TANGO6: variants seen among roughly 807,000 people sequenced by gnomAD.
TANGO6 encodes transport and Golgi organization protein 6 homolog.
A neutral mutation model predicts 114.2 loss-of-function variants in TANGO6; 90 were observed. The ratio of observed to expected loss-of-function variants is 0.79; its 90% confidence interval spans 0.66 to 0.94. TANGO6 has a LOEUF of 0.94. TANGO6 is among the 40% of genes least tolerant of loss of function. The pLI, the probability that TANGO6 is intolerant of heterozygous loss-of-function variation, is 0.00. For synonymous variants in TANGO6, 477 were observed against 509.8 expected, an observed-to-expected ratio of 0.94 and a Z score of 0.87; for missense variants, 1,274 against 1,315.3, an observed-to-expected ratio of 0.97 and a Z score of 0.49.
At position 68,954,912 on chromosome 16, in the gene TANGO6, A is replaced by G. The variant is rs62055816; in HGVS notation, c.2702-19116A>G. ...TTATTTTCTTCTTTGTGTCTTTTATATTTTTCATGTTTTCTAATATGAACA... is the reference window on the plus strand; with the variant it reads ...TTATTTTCTTCTTTGTGTCTTTTATGTTTTTCATGTTTTCTAATATGAACA... On this transcript the variant is annotated intron_variant, in intron 14 of 17. Coordinates refer to ENST00000261778, the MANE Select transcript of TANGO6 (RefSeq NM_024562.2). Among the ~76,000 whole-genome samples, 433 of 152,248 alleles carry G rather than the reference A, an allele frequency of 2.8e-3. 4 individuals carry two copies. Among genetic ancestry groups the G allele is most frequent in the Middle Eastern group, 0.01 (3 of 294 alleles).
chr16:68,974,062 A>C lies in TANGO6; in HGVS notation c.2736A>C (p.Lys912Asn). The stretch of plus-strand genomic sequence containing the variant: ...TGCTGTCAGACGTCTATCCTGAGAA[A>C]ATCTTGCCGGACTTGTTGGCTCAAT... ...VALLSDVYPE[K>N]ILPDLLAQYD... The change falls in exon 15 of 18, where the codon AAA (lysine) becomes AAC (asparagine). Residue 912 changes from lysine (K) to asparagine (N), a missense_variant. By Grantham distance (94) the Lys-to-Asn change is moderately conservative. Coordinates refer to ENST00000261778, the MANE Select transcript of TANGO6 (RefSeq NM_024562.2). The C allele has an allele frequency of 6.2e-7, 1 of 1,612,628 alleles. No homozygotes were observed.
At chr16:68,923,259 G>T (rs962411236) in intron 12 of TANGO6, among the ~76,000 whole-genome samples, 39 of 151,952 alleles carry the variant, frequency 2.6e-4, no homozygotes, top group Non-Finnish European at 5.6e-4. Flanking sequence ...CGCCTGGCCT[G>T]CTTAGGTCAT....
intron 15 of TANGO6, among the ~76,000 whole-genome samples, chr16:68,999,144 A>G (rs1567555996): frequency 6.6e-6 from 1 of 152,034 alleles, no homozygotes; most frequent in Non-Finnish European, 1.5e-5. Context: ...CGGCTTCCCA[A>G]TGTGCTAGGA....
chr16:68,960,688 A>G (rs1343491324), intron 14 of TANGO6, among the ~76,000 whole-genome samples: 1 of 151,888 alleles, frequency 6.6e-6, no homozygotes. Context: ...TTTAGTAGAA[A>G]CGGGGTTTCA....
At chr16:68,894,004 G>T (rs1962670298) in intron 7 of TANGO6, among the ~76,000 whole-genome samples, 1 of 152,190 alleles carries the variant, frequency 6.6e-6, no homozygotes. Flanking sequence ...TGTCTGTTGT[G>T]CCTTCGCTGC....
At chr16:69,030,800 C>T (rs1241817593) in intron 16 of TANGO6, among the ~76,000 whole-genome samples, 2 of 151,734 alleles carry the variant, frequency 1.3e-5, no homozygotes, top group African/African-American at 2.4e-5. Flanking sequence ...GCCTGTAATC[C>T]CAGCACTTTA....
chr16:68,941,232 ACT>A (rs1963349433), intron 14 of TANGO6, among the ~76,000 whole-genome samples: 1 of 152,156 alleles, frequency 6.6e-6, no homozygotes. Context: ...ACAAAAGTAC[ACT>A]CTGTCAACTT....
At chr16:69,013,679 C>A (rs1050866372) in intron 15 of TANGO6, among the ~76,000 whole-genome samples, 10 of 142,642 alleles carry the variant, frequency 7.0e-5, no homozygotes, top group South Asian at 2.2e-4. Flanking sequence ...TTTTCCGAGA[C>A]CAGGTCTCAC....
chr16:69,032,168 C>G (rs1299148112), intron 16 of TANGO6, among the ~76,000 whole-genome samples: 5 of 152,088 alleles, frequency 3.3e-5, no homozygotes, highest in Admixed American at 6.6e-5. Flanking sequence ...CCCAGTGGAG[C>G]CTTGTGTGGA....
intron 8 of TANGO6, among the ~76,000 whole-genome samples, chr16:68,901,999 A>G (rs1962791424): frequency 6.7e-6 from 1 of 149,864 alleles, no homozygotes; most frequent in Non-Finnish European, 1.5e-5. Context: ...ATCCGTGTAT[A>G]CTTTCTTTGA....
intron 17 of TANGO6, among the ~76,000 whole-genome samples, chr16:69,049,722 G>A (rs902339638): frequency 1.3e-5 from 2 of 151,788 alleles, no homozygotes; most frequent in African/African-American, 2.4e-5. Flanking sequence ...TTACAGGCAT[G>A]AGCCACTATG....
chr16:69,015,464 T>TTTTTTTTATTTATTTA (rs1555528108), intron 15 of TANGO6, among the ~76,000 whole-genome samples: 6 of 143,944 alleles, frequency 4.2e-5, no homozygotes, highest in East Asian at 4.1e-4. Context: ...GCTCATTTTA[T>TTTTTTTTATTTATTTA]TTTATTTATT....
chr16:69,015,524 C>T (rs372274750), intron 15 of TANGO6, among the ~76,000 whole-genome samples: 5 of 139,714 alleles, frequency 3.6e-5, no homozygotes, highest in African/African-American at 1.3e-4. Context: ...CTCTGTCGCC[C>T]AGGCTGGAGT....
chr16:68,940,303 G>A (rs766212864), intron 14 of TANGO6, among the ~76,000 whole-genome samples: 12 of 151,306 alleles, frequency 7.9e-5, no homozygotes, highest in Non-Finnish European at 1.0e-4. Context: ...CCTCTGCCTC[G>A]GCCTCTCAAA....
rs553189730 is a variant in TANGO6 at position 68,923,536 on chromosome 16, C to T, written c.2128-4032C>T. ...CAATGCTGTCCTTTCTCTTCTTCAC[C>T]GAGCCCAATTTGGGTGCTCTATAGA... On this transcript the variant is annotated intron_variant, in intron 12 of 17. Coordinates refer to ENST00000261778, the MANE Select transcript of TANGO6 (RefSeq NM_024562.2). 7.2e-5 allele frequency among the ~76,000 whole-genome samples: 11 copies of T among 152,236 alleles called. No homozygotes were observed. In the East Asian group the frequency reaches 1.7e-3, roughly 24 times the overall value.
At chr16:69,057,075 C>T (rs1960044445) in intron 17 of TANGO6, among the ~76,000 whole-genome samples, 1 of 119,116 alleles carries the variant, frequency 8.4e-6, no homozygotes, top group Admixed American at 1.2e-4. Flanking sequence ...GAGGCATGAT[C>T]TGGCTCACTG....
intron 9 of TANGO6, among the ~76,000 whole-genome samples, chr16:68,902,919 AT>A (rs1962803546): frequency 1.3e-5 from 2 of 152,180 alleles, no homozygotes; most frequent in Non-Finnish European, 2.9e-5. Flanking sequence ...TTTTATGGTA[AT>A]TTTATGATGG....
At chr16:68,912,911 CAA>C (rs554300938) in intron 11 of TANGO6, among the ~76,000 whole-genome samples, 45 of 81,806 alleles carry the variant, frequency 5.5e-4, no homozygotes, top group Admixed American at 5.7e-4. Flanking sequence ...CCCCATCTCT[CAA>C]AAAAAAAAAA....
intron 14 of TANGO6, among the ~76,000 whole-genome samples, chr16:68,942,959 G>T (rs924570979): frequency 9.3e-5 from 14 of 150,454 alleles, no homozygotes; most frequent in Non-Finnish European, 1.8e-4. Context: ...AAGTGCAGTG[G>T]CACAATGTCA....
Sources: gnomAD v4.1 joint callset for allele counts (sites outside exome capture counted in the v4.1 genomes callset) on GRCh38, gnomAD v4.1.1 for gene constraint, MANE v1.5 for transcripts, NCBI Gene and HGNC (gene_info 2026-07-23, HGNC 2026-07-21) for gene names.